The following TTC6 variants were observed in gnomAD, a reference collection of about 807,000 sequenced individuals.
TTC6 encodes the protein tetratricopeptide repeat protein 6.
In TTC6, 172 loss-of-function variants were observed where a neutral mutation model predicts 210.4. The ratio of observed to expected loss-of-function variants is 0.82; its 90% confidence interval spans 0.72 to 0.93. The LOEUF is 0.93. TTC6 is among the 40% of genes least tolerant of loss of function. TTC6 has a pLI of 0.00. For missense variants in TTC6, 2,414 were observed against 2,318.1 expected (o/e 1.04, Z -0.85); for synonymous variants, 804 against 819.6 (o/e 0.98, Z 0.32).
intron 10 of TTC6, among the ~76,000 whole-genome samples, chr14:37,748,491 G>T (rs962437884): frequency 6.6e-6 from 1 of 152,186 alleles, no homozygotes; most frequent in Non-Finnish European, 1.5e-5. Context: ...ACTAGGAGGA[G>T]GGTAAAACTG....
At chr14:37,841,465 A>C in exon 30 of TTC6, 1 of 1,589,628 alleles carries the variant, frequency 6.3e-7, no homozygotes, top group South Asian at 1.2e-5. Flanking sequence ...ACTTCTCAAA[A>C]GCTTTAAAAT....
intron 7 of TTC6, among the ~76,000 whole-genome samples, chr14:37,734,966 G>A (rs1241175005): frequency 6.6e-6 from 1 of 152,030 alleles, no homozygotes; most frequent in African/African-American, 2.4e-5. Flanking sequence ...AATATCTTGT[G>A]TAAGCATATG....
chr14:37,739,957 A>T (rs1276033147), intron 10 of TTC6, among the ~76,000 whole-genome samples: 6 of 151,992 alleles, frequency 3.9e-5, no homozygotes, highest in African/African-American at 7.2e-5. Context: ...AGGTCAGGAG[A>T]TCGAGACCAT....
chr14:37,606,126 G>T (rs2095624703), intron 1 of TTC6, among the ~76,000 whole-genome samples: 1 of 152,130 alleles, frequency 6.6e-6, no homozygotes, highest in South Asian at 2.1e-4. Flanking sequence ...GTAAGGTGGG[G>T]TGAGCAGGTG....
intron 24 of TTC6, among the ~76,000 whole-genome samples, chr14:37,810,543 A>G (rs1486909884): frequency 6.6e-6 from 1 of 152,194 alleles, no homozygotes; most frequent in African/African-American, 2.4e-5. Flanking sequence ...CAAGTCACAC[A>G]GAGAGAGTTA....
At chr14:37,729,653 C>T (rs372725257) in intron 7 of TTC6, among the ~76,000 whole-genome samples, 36 of 152,304 alleles carry the variant, frequency 2.4e-4, no homozygotes, top group East Asian at 1.5e-3. Context: ...TCCTTCCTCT[C>T]TCATCCCCTT....
At chr14:37,744,090 G>A (rs1364230387) in intron 10 of TTC6, among the ~76,000 whole-genome samples, 1 of 152,180 alleles carries the variant, frequency 6.6e-6, no homozygotes, top group Non-Finnish European at 1.5e-5. Flanking sequence ...TGAAGAGTTG[G>A]AGGGACTGTA....
At chr14:37,770,288 G>A (rs1045648668) in intron 14 of TTC6, among the ~76,000 whole-genome samples, 1 of 152,124 alleles carries the variant, frequency 6.6e-6, no homozygotes, top group African/African-American at 2.4e-5. Context: ...TGTTGATTTG[G>A]GGTGGAGAGT....
intron 7 of TTC6, among the ~76,000 whole-genome samples, chr14:37,730,178 G>A (rs35616191): frequency 0.13 from 20,276 of 152,152 alleles, 1,672 homozygotes; most frequent in East Asian, 0.28. Context: ...ACAGATCTAT[G>A]TGCTCTTATT....
intron 1 of TTC6, among the ~76,000 whole-genome samples, chr14:37,633,516 C>T (rs1439736059): frequency 6.6e-6 from 1 of 152,188 alleles, no homozygotes; most frequent in Non-Finnish European, 1.5e-5. Context: ...CAGAAATCAC[C>T]TGCCTACTGC....
At position 37,716,455 on chromosome 14, in the gene TTC6, C is replaced by T. The variant is rs574189822; in HGVS notation, c.1713+1659C>T. On this transcript the variant is annotated intron_variant, in intron 6 of 30. Transcript: ENST00000553443. ...ATATTTACAAGAAACAAATTTAAAACATAATGATATAGCCAGTTTGAAAAT... is the reference window on the plus strand; with the variant it reads ...ATATTTACAAGAAACAAATTTAAAATATAATGATATAGCCAGTTTGAAAAT... 2.6e-5 allele frequency among the ~76,000 whole-genome samples: 4 copies of T among 151,960 alleles called. No homozygotes were observed. The East Asian group carries it at 7.7e-4, about 29-fold the overall frequency.
chr14:37,621,313 A>C (rs1006970608), upstream of TTC6, among the ~76,000 whole-genome samples: 1 of 152,218 alleles, frequency 6.6e-6, no homozygotes, highest in Non-Finnish European at 1.5e-5. Context: ...GCTATGAATT[A>C]AGATTGTGGA....
intron 1 of TTC6, among the ~76,000 whole-genome samples, chr14:37,629,717 C>A (rs2095666161): frequency 6.6e-6 from 1 of 152,154 alleles, no homozygotes; most frequent in Admixed American, 6.5e-5. Context: ...AGCTTTTGCC[C>A]ATTCCGTATG....
rs575341585 is a variant in TTC6 at position 37,651,187 on chromosome 14, T to C, written c.939+28184T>C. Reference sequence around the variant, plus strand: ...TTTACTTAGTTGTTACATTGTAAAATTGAGGTGAAGCTGTTTTCCCATACC... The same window carrying C: ...TTTACTTAGTTGTTACATTGTAAAACTGAGGTGAAGCTGTTTTCCCATACC... On this transcript the variant is annotated intron_variant, in intron 1 of 30. Transcript: ENST00000553443. Among the ~76,000 whole-genome samples the C allele has an allele frequency of 2.4e-4, 36 of 151,872 alleles. No homozygotes were observed. In the East Asian group the frequency reaches 5.4e-3, roughly 23 times the overall value.
intron 14 of TTC6, among the ~76,000 whole-genome samples, chr14:37,782,103 A>C (rs1228671656): frequency 6.6e-6 from 1 of 152,136 alleles, no homozygotes; most frequent in African/African-American, 2.4e-5. Context: ...TTGTCTTGGC[A>C]ATGCGGGCTC....
intron 14 of TTC6, among the ~76,000 whole-genome samples, chr14:37,756,731 C>CT: frequency 6.6e-6 from 1 of 152,230 alleles, no homozygotes; most frequent in South Asian, 2.1e-4. Context: ...TTCTGATGTG[C>CT]TGTTGGATTT....
At chr14:37,806,552 T>G in intron 22 of TTC6, 42 bp downstream of exon 24, 1 of 1,457,746 alleles carries the variant, frequency 6.9e-7, no homozygotes, top group Non-Finnish European at 9.1e-7. Flanking sequence ...AAGTGTTAAG[T>G]TTGGTAAAAC....
chr14:37,728,035 C>G (rs1258363407), intron 7 of TTC6, among the ~76,000 whole-genome samples: 2 of 152,160 alleles, frequency 1.3e-5, no homozygotes, highest in Non-Finnish European at 2.9e-5. Context: ...ATTCCACTTA[C>G]TTCCTGGGTA....
chr14:37,682,395 A>G (rs984815590), intron 2 of TTC6, among the ~76,000 whole-genome samples: 1 of 151,914 alleles, frequency 6.6e-6, no homozygotes, highest in Non-Finnish European at 1.5e-5. Context: ...AAGAACCAAC[A>G]TGAGTTCAAG....
Sources: allele counts gnomAD v4.1 joint callset (sites outside exome capture counted in the v4.1 genomes callset), GRCh38; gene constraint gnomAD v4.1.1; transcripts MANE v1.5; gene names NCBI Gene and HGNC (gene_info 2026-07-23, HGNC 2026-07-21).